RGS6: variants seen among roughly 807,000 people sequenced by gnomAD.
RGS6 encodes regulator of G protein signaling 6.
RGS6 carries 30 observed loss-of-function variants against 78.5 expected under a neutral mutation model. That is an observed-to-expected ratio of 0.38 (90% CI 0.29 to 0.52). The LOEUF (loss-of-function observed/expected upper bound fraction) is 0.52, where lower values mean the gene tolerates loss of function less well. Among genes scored for constraint, RGS6 ranks in the 20% least tolerant of loss-of-function variants. The probability of loss-of-function intolerance (pLI) is 0.85; values close to 1 mark genes in which losing one functional copy is unlikely to be tolerated. For missense variants in RGS6, 495 were observed against 609.7 expected (o/e 0.81, Z 1.98); for synonymous variants, 206 against 206.0 (o/e 1.00, Z 0.00).
chr14:72,052,953 C>A (rs191886673), intron 2 of RGS6, among the ~76,000 whole-genome samples: 1,471 of 41,220 alleles, frequency 0.036, 27 homozygotes, highest in African/African-American at 0.18. Context: ...TTCTTTCTTT[C>A]TTTCTTTCTT....
chr14:72,268,678 C>T (rs1216173689), intron 2 of RGS6, among the ~76,000 whole-genome samples: 1 of 152,168 alleles, frequency 6.6e-6, no homozygotes, highest in Non-Finnish European at 1.5e-5. Flanking sequence ...ATTCATCCAC[C>T]CTGTGCTGGG....
chr14:72,018,727 T>C (rs1241607065), intron 2 of RGS6, among the ~76,000 whole-genome samples: 3 of 152,304 alleles, frequency 2.0e-5, no homozygotes, highest in Non-Finnish European at 4.4e-5. Context: ...TCCTCTGTGC[T>C]AGTTGAAATC....
intron 2 of RGS6, among the ~76,000 whole-genome samples, chr14:72,223,802 A>C (rs570343732): frequency 8.5e-5 from 13 of 152,352 alleles, no homozygotes; most frequent in Admixed American, 5.2e-4. Context: ...TGGGGAGAAA[A>C]GCACCTGCAT....
chr14:72,330,124 T>C (rs1465467901), intron 2 of RGS6, among the ~76,000 whole-genome samples: 2 of 152,228 alleles, frequency 1.3e-5, no homozygotes, highest in Admixed American at 6.5e-5. Context: ...GGGTGTTGCC[T>C]CACTAGGATC....
chr14:72,400,880 A>C (rs1030350455), intron 3 of RGS6, among the ~76,000 whole-genome samples: 3 of 152,060 alleles, frequency 2.0e-5, no homozygotes, highest in African/African-American at 7.2e-5. Flanking sequence ...ATTCACAGGG[A>C]AAGGTTCCCA....
intron 2 of RGS6, among the ~76,000 whole-genome samples, chr14:72,012,235 A>G (rs554923010): frequency 4.7e-4 from 71 of 152,310 alleles, no homozygotes; most frequent in Middle Eastern, 3.4e-3. Flanking sequence ...AAAGTTAATA[A>G]AATCACCTGT....
At chr14:72,453,873 T>C (rs1165092159) in intron 3 of RGS6, among the ~76,000 whole-genome samples, 1 of 152,008 alleles carries the variant, frequency 6.6e-6, no homozygotes, top group Non-Finnish European at 1.5e-5. Context: ...GTAGATGGGA[T>C]TGAAAGGGGC....
intron 2 of RGS6, among the ~76,000 whole-genome samples, chr14:72,277,871 T>C (rs2060938876): frequency 6.6e-6 from 1 of 152,136 alleles, no homozygotes; most frequent in South Asian, 2.1e-4. Flanking sequence ...GAAGTTGCAG[T>C]GAGCAAAGAT....
intron 2 of RGS6, among the ~76,000 whole-genome samples, chr14:72,136,859 A>G (rs757851231): frequency 6.6e-6 from 1 of 152,208 alleles, no homozygotes; most frequent in Non-Finnish European, 1.5e-5. Context: ...GAATTATGGT[A>G]CAAACACTCA....
chr14:71,951,243 CA>C (rs933358639), intron 1 of RGS6, among the ~76,000 whole-genome samples: 5 of 152,118 alleles, frequency 3.3e-5, no homozygotes, highest in African/African-American at 1.2e-4. Context: ...GGAACGAGAT[CA>C]TGTCCTTTGC....
downstream of RGS6, among the ~76,000 whole-genome samples, chr14:72,570,927 G>T (rs1029332087): frequency 3.3e-5 from 5 of 152,142 alleles, no homozygotes; most frequent in African/African-American, 1.2e-4. Context: ...GTGAGAACCT[G>T]AGTCTTTAGA....
intron 2 of RGS6, among the ~76,000 whole-genome samples, chr14:72,156,784 C>A (rs149685): frequency 0.1 from 15,306 of 152,242 alleles, 872 homozygotes; most frequent in East Asian, 0.28. Flanking sequence ...GCAAAGGCTG[C>A]AGCCTGATTG....
chr14:72,337,188 G>A (rs944991057), intron 2 of RGS6, among the ~76,000 whole-genome samples: 1 of 151,940 alleles, frequency 6.6e-6, no homozygotes, highest in African/African-American at 2.4e-5. Context: ...ATGAGACTGT[G>A]GTGCTTCTGA....
At chr14:72,244,576 C>T (rs1567564525) in intron 2 of RGS6, among the ~76,000 whole-genome samples, 1 of 152,152 alleles carries the variant, frequency 6.6e-6, no homozygotes, top group Non-Finnish European at 1.5e-5. Context: ...GCTGCTAGCT[C>T]CTTCCCTCGT....
chr14:72,476,906 T>C, intron 11 of RGS6, 66 bp downstream of exon 11: 1 of 1,384,456 alleles, frequency 7.2e-7, no homozygotes, highest in Non-Finnish European at 1.0e-6. Context: ...CTTTCAAATG[T>C]TCAACTCTGA....
chr14:71,872,446 C>T, the RGS6 span, among the ~76,000 whole-genome samples: 13 of 152,230 alleles, frequency 8.5e-5, no homozygotes, highest in African/African-American at 2.6e-4. Flanking sequence ...GAACTTAACC[C>T]GGATTGAGAG....
At chr14:72,175,805 G>A (rs897562254) in intron 2 of RGS6, among the ~76,000 whole-genome samples, 7 of 152,096 alleles carry the variant, frequency 4.6e-5, no homozygotes, top group African/African-American at 1.2e-4. Flanking sequence ...ACAGCAGCAC[G>A]GCCTAGTGGG....
intron 3 of RGS6, among the ~76,000 whole-genome samples, chr14:72,397,677 G>A (rs2091647199): frequency 6.6e-6 from 1 of 152,120 alleles, no homozygotes; most frequent in African/African-American, 2.4e-5. Context: ...TATGATATTG[G>A]CTGTGGGTTT....
chr14:72,030,446 G>T (rs184198644), intron 2 of RGS6, among the ~76,000 whole-genome samples: 1 of 152,194 alleles, frequency 6.6e-6, no homozygotes, highest in Admixed American at 6.5e-5. Context: ...GCTGTAGGTT[G>T]GCTGGTATCA....
Sources: gnomAD v4.1 joint callset for allele counts (sites outside exome capture counted in the v4.1 genomes callset) on GRCh38, gnomAD v4.1.1 for gene constraint, MANE v1.5 for transcripts, NCBI Gene and HGNC (gene_info 2026-07-23, HGNC 2026-07-21) for gene names.